Variants in ZNF541 observed in about 807,000 individuals in gnomAD.
ZNF541 encodes zinc finger protein 541.
Under a neutral mutation model 123.5 loss-of-function variants are expected in ZNF541, and 23 were observed. That is an observed-to-expected ratio of 0.19 (90% CI 0.13 to 0.26). The LOEUF is 0.26. Ranked by LOEUF, ZNF541 falls within the 10% of genes least tolerant of loss-of-function variation. ZNF541 has a pLI of 1.00. For synonymous variants in ZNF541, 751 were observed against 754.5 expected, an observed-to-expected ratio of 1.00 and a Z score of 0.08; for missense variants, 1,612 against 1,789.9, an observed-to-expected ratio of 0.90 and a Z score of 1.79.
At chr19:47,572,178 T>G (rs567821991) in intron 1 of ZNF541, among the ~76,000 whole-genome samples, 136 bp from the exon 2 acceptor site, 2 of 152,212 alleles carry the variant, frequency 1.3e-5, no homozygotes, top group East Asian at 1.9e-4. Flanking sequence ...GAGATTTGAG[T>G]GAGGAGGAAA....
chr19:47,568,079 C>A (rs968074333), intron 2 of ZNF541, among the ~76,000 whole-genome samples: 2 of 152,122 alleles, frequency 1.3e-5, no homozygotes, highest in Non-Finnish European at 2.9e-5. Context: ...TCTTGCCTAG[C>A]ACAGAACTTT....
At chr19:47,569,618 TTTC>T (rs1339296460) in intron 2 of ZNF541, among the ~76,000 whole-genome samples, 2 of 152,116 alleles carry the variant, frequency 1.3e-5, no homozygotes, top group Non-Finnish European at 2.9e-5. Flanking sequence ...ATCCCAGCAC[TTTC>T]TGAGGCCTAG....
At chr19:47,537,172 GT>G (rs764801954) in intron 9 of ZNF541, among the ~76,000 whole-genome samples, 111 of 152,152 alleles carry the variant, frequency 7.3e-4, no homozygotes, top group Non-Finnish European at 1.5e-3. Context: ...CTATGTGATA[GT>G]TGCACGGCCT....
In ZNF541 at chr19:47,555,544, C is replaced by A. The variant is rs763059848; in HGVS notation, c.307+6G>T. On this transcript the variant is annotated splice_donor_region_variant and intron_variant, in intron 3 of 16. Coordinates refer to ENST00000391901, the MANE Select transcript of ZNF541 (RefSeq NM_001277075.3). ...CAGGGCCCTTCTACCCAGGTGACAG[C>A]CTCACCTTGTAAGGATGCCTGAGAC... 3 of 1,529,870 alleles carry A rather than the reference C, an allele frequency of 2.0e-6. No homozygotes were observed. Among genetic ancestry groups the A allele is most frequent in the East Asian group, 4.9e-5 (2 of 40,614 alleles). 94.8% of individuals were successfully genotyped at this position (1,529,870 alleles called of 1,614,324 possible). A position where few individuals can be genotyped will look rare whatever the true frequency, so the allele number is the denominator to read the frequency against.
At chr19:47,551,971 C>T (rs892344292) in intron 3 of ZNF541, among the ~76,000 whole-genome samples, 3 of 152,136 alleles carry the variant, frequency 2.0e-5, no homozygotes, top group Admixed American at 6.5e-5. Context: ...GATTCTCCTG[C>T]GTCAGCCTCC....
intron 12 of ZNF541, 111 bp from the exon 13 acceptor site, chr19:47,529,763 G>T: frequency 9.8e-7 from 1 of 1,016,264 alleles, no homozygotes; most frequent in Non-Finnish European, 1.5e-6. Flanking sequence ...GACACTGCCT[G>T]TCCCAGGGCT....
intron 2 of ZNF541, among the ~76,000 whole-genome samples, chr19:47,565,915 G>A (rs973934014): frequency 1.3e-5 from 2 of 152,054 alleles, no homozygotes; most frequent in Admixed American, 6.6e-5. Flanking sequence ...AGTGGCTCAC[G>A]TCTGTAATCC....
chr19:47,554,386 G>C (rs978893685), intron 3 of ZNF541, among the ~76,000 whole-genome samples: 2 of 152,158 alleles, frequency 1.3e-5, no homozygotes, highest in African/African-American at 4.8e-5. Flanking sequence ...AGCCGAGATT[G>C]TGCCACTGCA....
chr19:47,562,753 C>A (rs1405336799), intron 2 of ZNF541, among the ~76,000 whole-genome samples: 1 of 152,162 alleles, frequency 6.6e-6, no homozygotes, highest in Non-Finnish European at 1.5e-5. Flanking sequence ...TGTCTGGCTT[C>A]TTTCACTAAG....
chr19:47,522,052 C>T lies in ZNF541; in HGVS notation c.3571-58G>A, dbSNP rs1226933504. The stretch of plus-strand genomic sequence containing the variant: ...GCCACGCGGGCCCTGGGAGTGTGAC[C>T]TTGCCATTGGGCCGGCCGCCTCCTT... On this transcript the variant is annotated intron_variant, in intron 14 of 16. Coordinates refer to ENST00000391901, the MANE Select transcript of ZNF541 (RefSeq NM_001277075.3). The T allele has an allele frequency of 3.2e-6, 5 of 1,542,532 alleles. No individual in the cohort carries two copies. In the African/African-American group the frequency reaches 5.5e-5, roughly 17 times the overall value.
Position 47,545,028 on chromosome 19 carries a change from G to C in ZNF541, c.1501C>G (p.Pro501Ala). The change falls in exon 5 of 17, where the codon CCC (proline) becomes GCC (alanine). Residue 501 changes from proline to alanine, a missense_variant. Pro to Ala is a conservative substitution (Grantham distance 27). This residue lies in a region of ZNF541 where 1,080 missense variants were observed against 1,013.8 expected (regional missense o/e 1.07). Coordinates refer to ENST00000391901, the MANE Select transcript of ZNF541 (RefSeq NM_001277075.3). The surrounding 1 kb of genome is among the most constrained non-coding windows in gnomAD (Gnocchi z 7.5). ...TCGCAGTCGACCTTGACCTTCTTGG[G>C]GGCGCAGGGGTCATCTTCCCCGCTG... ...SASGEDDPCAPKKVKVDCDSF... is the reference protein window; with the variant it reads ...SASGEDDPCAAKKVKVDCDSF... 1 of 1,492,058 alleles carries C rather than the reference G, an allele frequency of 6.7e-7. No homozygotes were observed. Among genetic ancestry groups the C allele is most frequent in the Non-Finnish European group, 8.9e-7 (1 of 1,125,562 alleles). The allele number at this position is 1,492,058 out of a possible 1,614,324, so 92.4% of individuals were successfully genotyped here. A position where few individuals can be genotyped will look rare whatever the true frequency, so the allele number is the denominator to read the frequency against.
intron 2 of ZNF541, among the ~76,000 whole-genome samples, chr19:47,561,804 C>A (rs1378302549): frequency 6.6e-5 from 10 of 152,000 alleles, no homozygotes; most frequent in Admixed American, 6.6e-4. Flanking sequence ...CTGACCACAC[C>A]CCACAAAGAA....
Position 47,569,954 on chromosome 19 carries a change from A to G in ZNF541, c.-99+1942T>C, listed in dbSNP as rs534040154. On this transcript the variant is annotated intron_variant, in intron 2 of 16. Transcript: ENST00000391901. Reference sequence around the variant, plus strand: ...CCTATAGTCTTATAGTTATGTAACCAATAACTAATTTTAACCAGAAGGTAA... The same window carrying G: ...CCTATAGTCTTATAGTTATGTAACCGATAACTAATTTTAACCAGAAGGTAA... Among the ~76,000 whole-genome samples, 3 of 152,206 alleles carry G rather than the reference A, an allele frequency of 2.0e-5. No individual in the cohort carries two copies. The East Asian group carries it at 5.8e-4, about 29-fold the overall frequency.
chr19:47,563,090 T>C (rs1460900430), intron 2 of ZNF541, among the ~76,000 whole-genome samples: 1 of 152,222 alleles, frequency 6.6e-6, no homozygotes, highest in African/African-American at 2.4e-5. Flanking sequence ...GCACCTGCAA[T>C]GTCTGCATTG....
At chr19:47,533,154 G>T (rs1969654908) in intron 9 of ZNF541, among the ~76,000 whole-genome samples, 182 bp from the exon 10 acceptor site, 1 of 151,304 alleles carries the variant, frequency 6.6e-6, no homozygotes, top group Admixed American at 6.6e-5. Context: ...GGATCACGAG[G>T]TCAGGAGATC....
chr19:47,539,788 C>T lies in ZNF541; in HGVS notation c.2713G>A (p.Asp905Asn). 1 of 1,484,962 alleles carries T rather than the reference C, an allele frequency of 6.7e-7. No individual in the cohort carries two copies. The highest frequency in any genetic ancestry group is 8.9e-7 in the Non-Finnish European group (1 of 1,125,830). The allele number at this position is 1,484,962 out of a possible 1,614,324, so 92.0% of individuals were successfully genotyped here. ...HSPPGTKKPL[D>N]PTAAAPLVVP... is the part of the protein sequence containing the mutation. ...ACCAAAGGGGCTGCAGCTGTGGGGT[C>T]CAAGGGCTTCTTGGTTCCTGGGGGA... Residue 905 changes from aspartate to asparagine, a missense_variant, in exon 8 of 17, where the codon GAC becomes AAC. Physicochemically the swap from Asp to Asn is conservative, Grantham distance 23. This residue lies in a region of ZNF541 where 1,080 missense variants were observed against 1,013.8 expected (regional missense o/e 1.07). Coordinates refer to ENST00000391901, the MANE Select transcript of ZNF541 (RefSeq NM_001277075.3).
chr19:47,530,171 G>T (rs868638930), intron 12 of ZNF541, among the ~76,000 whole-genome samples: 6 of 137,440 alleles, frequency 4.4e-5, no homozygotes, highest in Admixed American at 1.5e-4. Context: ...AATTTTCTTT[G>T]TTTTTTCTTT....
In ZNF541 at chr19:47,555,875, C is replaced by G. The variant is rs1970802356; in HGVS notation, c.-19G>C. The G allele has an allele frequency of 1.3e-6, 2 of 1,534,436 alleles. No homozygotes were observed. The highest frequency in any genetic ancestry group is 2.0e-5 in the Admixed American group (1 of 49,680). ...GGTCCATGGCTCTCCACTGCCAGGT[C>G]TTGGCCAAAAGCTACTCTCCAGATA... is the stretch of plus-strand genomic sequence containing the variant. On this transcript the variant is annotated 5_prime_UTR_variant, in exon 3 of 17. Coordinates refer to ENST00000391901, the MANE Select transcript of ZNF541 (RefSeq NM_001277075.3).
At position 47,521,841 on chromosome 19, in the gene ZNF541, C is replaced by T. The variant is rs763363298; in HGVS notation, c.3711+13G>A. 6.4e-7 allele frequency: 1 copy of T among 1,551,086 alleles called. No individual in the cohort carries two copies. The highest frequency in any genetic ancestry group is 1.2e-5 in the South Asian group (1 of 84,030). On this transcript the variant is annotated intron_variant, in intron 15 of 16. Coordinates refer to ENST00000391901, the MANE Select transcript of ZNF541 (RefSeq NM_001277075.3). The surrounding 1 kb of genome is among the most constrained non-coding windows in gnomAD (Gnocchi z 4.2). ...GGAGAGAAGAGCTCCCGACACAGCC[C>T]TGGTTCCTCTACCTTTTCCTCTGTC...
Sources: allele counts gnomAD v4.1 joint callset (sites outside exome capture counted in the v4.1 genomes callset), GRCh38; gene constraint gnomAD v4.1.1; regional missense constraint gnomAD v4.1.1; non-coding constraint Gnocchi (gnomAD v3.1); transcripts MANE v1.5; gene names NCBI Gene and HGNC (gene_info 2026-07-23, HGNC 2026-07-21).